GRAMD2B: variants seen among roughly 807,000 people sequenced by gnomAD.
GRAMD2B encodes GRAM domain-containing protein 2B.
GRAMD2B carries 41 observed loss-of-function variants against 59.2 expected under a neutral mutation model. That is an observed-to-expected ratio of 0.69 (90% CI 0.54 to 0.90). The LOEUF (loss-of-function observed/expected upper bound fraction) is 0.90. Ranked by LOEUF, GRAMD2B falls within the 40% of genes least tolerant of loss-of-function variation. The pLI, the probability that GRAMD2B is intolerant of heterozygous loss-of-function variation, is 0.00. For missense variants in GRAMD2B, 424 were observed against 500.5 expected (o/e 0.85, Z 1.46); for synonymous variants, 161 against 182.7 (o/e 0.88, Z 0.96).
At chr5:126,451,622 C>T (rs907509059) in intron 1 of GRAMD2B, among the ~76,000 whole-genome samples, 20 of 152,140 alleles carry the variant, frequency 1.3e-4, no homozygotes, top group African/African-American at 4.8e-4. Flanking sequence ...GATGCTGGAA[C>T]AAGTTAAGAC....
At chr5:126,429,424 C>G (rs1336890695) in intron 1 of GRAMD2B, among the ~76,000 whole-genome samples, 1 of 151,996 alleles carries the variant, frequency 6.6e-6, no homozygotes, top group East Asian at 1.9e-4. Flanking sequence ...GGAAAAATAA[C>G]TAATGGGTAC....
At chr5:126,408,500 GT>G (rs145820337) in intron 1 of GRAMD2B, among the ~76,000 whole-genome samples, 228 of 146,682 alleles carry the variant, frequency 1.6e-3, no homozygotes, top group Non-Finnish European at 2.1e-3. Flanking sequence ...TGGTAGTTCT[GT>G]TTTTTTTTTG....
At chr5:126,374,439 GT>G (rs1755018049) in intron 1 of GRAMD2B, among the ~76,000 whole-genome samples, 1 of 152,058 alleles carries the variant, frequency 6.6e-6, no homozygotes, top group South Asian at 2.1e-4. Context: ...TTTTGAGATA[GT>G]TTTTTAAAAT....
intron 1 of GRAMD2B, among the ~76,000 whole-genome samples, chr5:126,381,122 T>C (rs1238235081): frequency 6.6e-6 from 1 of 152,224 alleles, no homozygotes; most frequent in African/African-American, 2.4e-5. Context: ...GATGCTAGAT[T>C]TTGTCAAATG....
intron 13 of GRAMD2B, among the ~76,000 whole-genome samples, chr5:126,491,818 C>G (rs1773991544): frequency 6.6e-6 from 1 of 152,110 alleles, no homozygotes; most frequent in South Asian, 2.1e-4. Flanking sequence ...ACTGCAACCC[C>G]CACCTTCCAG....
At chr5:126,374,520 C>T (rs900495578) in intron 1 of GRAMD2B, among the ~76,000 whole-genome samples, 3 of 152,172 alleles carry the variant, frequency 2.0e-5, no homozygotes, top group African/African-American at 7.2e-5. Context: ...TCTGTTTACA[C>T]TCTCTACTAT....
intron 13 of GRAMD2B, among the ~76,000 whole-genome samples, chr5:126,489,254 A>G (rs1280084755): frequency 1.3e-5 from 2 of 152,210 alleles, no homozygotes; most frequent in East Asian, 1.9e-4. Flanking sequence ...TTGGCCAGAA[A>G]GTACAGCCCC....
chr5:126,447,875 TAA>T (rs751327191), intron 1 of GRAMD2B, among the ~76,000 whole-genome samples: 27,136 of 129,432 alleles, frequency 0.21, 2,566 homozygotes, highest in Non-Finnish European at 0.22. Flanking sequence ...TTTTTTTTTT[TAA>T]AAAATAGTCT....
At chr5:126,447,613 G>T (rs62391855) in intron 1 of GRAMD2B, among the ~76,000 whole-genome samples, 1 of 149,740 alleles carries the variant, frequency 6.7e-6, no homozygotes, top group African/African-American at 2.5e-5. Flanking sequence ...GCAGTGAGCC[G>T]AGATCGTGCC....
At chr5:126,428,001 G>T (rs951763263) in intron 1 of GRAMD2B, among the ~76,000 whole-genome samples, 1 of 152,112 alleles carries the variant, frequency 6.6e-6, no homozygotes, top group Non-Finnish European at 1.5e-5. Flanking sequence ...GGGAGGCCGA[G>T]GCAGGTGGAT....
intron 4 of GRAMD2B, among the ~76,000 whole-genome samples, chr5:126,472,512 T>C (rs749666067): frequency 3.9e-5 from 6 of 152,292 alleles, no homozygotes; most frequent in Middle Eastern, 3.4e-3. Flanking sequence ...CAGTTCTCCA[T>C]GGGGTATGGA....
intron 1 of GRAMD2B, among the ~76,000 whole-genome samples, chr5:126,393,771 A>G (rs1206449294): frequency 6.6e-6 from 1 of 152,202 alleles, no homozygotes; most frequent in Non-Finnish European, 1.5e-5. Flanking sequence ...ACTGGAAAAA[A>G]ACAATGTTTC....
Position 126,488,892 on chromosome 5 carries a change from G to C in GRAMD2B, c.1257G>C (p.Lys419Asn), listed in dbSNP as rs1335043012. The change falls in exon 13 of 14, where the codon AAG (lysine) becomes AAC (asparagine). Residue 419 changes from lysine to asparagine, a missense_variant and splice_region_variant. By Grantham distance (94) the Lys-to-Asn change is moderately conservative. Coordinates refer to ENST00000285689, the MANE Select transcript of GRAMD2B (RefSeq NM_023927.4). ...ELTANIVKLEKIQNNLQKLLE... is the reference protein window; with the variant it reads ...ELTANIVKLENIQNNLQKLLE... ...CAGCTAACATAGTGAAATTAGAAAA[G>C]GTGACCTATTTCTTTCCTGTGTATG... 3.1e-6 allele frequency: 5 copies of C among 1,610,546 alleles called. No homozygotes were observed. Among genetic ancestry groups the C allele is most frequent in the Non-Finnish European group, 4.2e-6 (5 of 1,176,996 alleles).
At chr5:126,463,916 G>A (rs1427501445) in intron 1 of GRAMD2B, among the ~76,000 whole-genome samples, 2 of 152,188 alleles carry the variant, frequency 1.3e-5, no homozygotes, top group East Asian at 1.9e-4. Flanking sequence ...CTACTTGGGA[G>A]GCTGAGGCAG....
chr5:126,371,275 A>G, upstream of GRAMD2B: 1 of 1,102,556 alleles, frequency 9.1e-7, no homozygotes, highest in Non-Finnish European at 1.1e-6. Context: ...TTAATCATTA[A>G]CTGACTTTTA....
chr5:126,382,068 G>T (rs1246561580), intron 1 of GRAMD2B, among the ~76,000 whole-genome samples: 2 of 152,126 alleles, frequency 1.3e-5, no homozygotes, highest in African/African-American at 4.8e-5. Context: ...CTGTTAATCT[G>T]AAAGGTTTTC....
Position 126,391,009 on chromosome 5 carries a change from A to G in GRAMD2B, c.125+19442A>G, listed in dbSNP as rs1427356361. On this transcript the variant is annotated intron_variant, in intron 1 of 8. Transcript: ENST00000506445. ...CACCTTTAATTTCCATCCATCATAT[A>G]GTAACAGATTGGGCTTAAAGATGTA... is the stretch of plus-strand genomic sequence containing the variant. Among the ~76,000 whole-genome samples, 4 of 152,248 alleles carry G rather than the reference A, an allele frequency of 2.6e-5. No individual in the cohort carries two copies. In the East Asian group the frequency reaches 7.7e-4, roughly 29 times the overall value.
At chr5:126,444,380 A>T (rs1394872752) in intron 1 of GRAMD2B, among the ~76,000 whole-genome samples, 1 of 152,138 alleles carries the variant, frequency 6.6e-6, no homozygotes, top group East Asian at 1.9e-4. Flanking sequence ...ATTCAAGGAG[A>T]TGTTATGAAT....
intron 1 of GRAMD2B, among the ~76,000 whole-genome samples, chr5:126,433,304 A>G (rs1472153285): frequency 1.3e-5 from 2 of 152,236 alleles, no homozygotes; most frequent in Admixed American, 1.3e-4. Flanking sequence ...AACAGCTGTT[A>G]AAGTGTTGAA....
Sources: allele counts gnomAD v4.1 joint callset (sites outside exome capture counted in the v4.1 genomes callset), GRCh38; gene constraint gnomAD v4.1.1; transcripts MANE v1.5; gene names NCBI Gene and HGNC (gene_info 2026-07-23, HGNC 2026-07-21).